AGMO: variants seen among roughly 807,000 people sequenced by gnomAD.
AGMO encodes glyceryl-ether monooxygenase.
In AGMO, 75 loss-of-function variants were observed where a neutral mutation model predicts 60.2. The ratio of observed to expected loss-of-function variants is 1.25; its 90% CI spans 1.03 to 1.51. The LOEUF (loss-of-function observed/expected upper bound fraction) is 1.51. Ranked by LOEUF, AGMO falls within the 40% of genes most tolerant of loss-of-function variation. The pLI is 0.00. For missense variants in AGMO, 763 were observed against 525.5 expected, an observed-to-expected ratio of 1.45 and a Z score of -4.42; for synonymous variants, 261 against 177.1, an observed-to-expected ratio of 1.47 and a Z score of -3.76.
intron 5 of AGMO, among the ~76,000 whole-genome samples, chr7:15,404,057 G>A (rs1784624389): frequency 1.3e-5 from 2 of 151,764 alleles, no homozygotes; most frequent in Admixed American, 6.6e-5. Flanking sequence ...TCCACACTAA[G>A]GAGTGAAAAA....
At chr7:15,220,802 T>A (rs897439721) in intron 12 of AGMO, among the ~76,000 whole-genome samples, 2 of 152,126 alleles carry the variant, frequency 1.3e-5, no homozygotes, top group African/African-American at 2.4e-5. Flanking sequence ...AAATAGCATA[T>A]ATTTTCAGGA....
rs143510694 is a variant in AGMO, at chr7:15,290,975, C to A, written c.1263+74539G>T. ...AGGATGGATAATAGAGTCTAGTCAGCCAAATTTAGCTCCGTTTTTTCGAAA... is the reference window on the plus strand; with the variant it reads ...AGGATGGATAATAGAGTCTAGTCAGACAAATTTAGCTCCGTTTTTTCGAAA... On this transcript the variant is annotated intron_variant, in intron 12 of 12. Coordinates refer to ENST00000342526, the MANE Select transcript of AGMO (RefSeq NM_001004320.2). Among the ~76,000 whole-genome samples, 421 of 152,082 alleles carry A rather than the reference C, an allele frequency of 2.8e-3. 2 individuals carry two copies. Among genetic ancestry groups the A allele is most frequent in the Non-Finnish European group, 4.5e-3 (308 of 67,970 alleles).
rs1283394114 is a variant in AGMO, at chr7:15,200,569, CT to C, written c.*715del. On this transcript the variant is annotated 3_prime_UTR_variant, in exon 13 of 13. Transcript: ENST00000342526. ...AGTGCAGTGGTGCAATCTCCACTCACTCCAACTTCTGCCTCCCAGGTTCAAG... is the reference window on the plus strand; with the variant it reads ...AGTGCAGTGGTGCAATCTCCACTCACCCAACTTCTGCCTCCCAGGTTCAAG... 6 of 152,814 alleles carry C rather than the reference CT, an allele frequency of 3.9e-5. No homozygotes were observed. Among genetic ancestry groups the C allele is most frequent in the African/African-American group, 1.4e-4 (6 of 41,596 alleles). 9.5% of individuals were successfully genotyped at this position (152,814 alleles called of 1,614,324 possible). A position where few individuals can be genotyped will look rare whatever the true frequency, so the allele number is the denominator to read the frequency against.
chr7:15,202,482 A>AC (rs1781321364), intron 12 of AGMO, among the ~76,000 whole-genome samples: 1 of 132,698 alleles, frequency 7.5e-6, no homozygotes, highest in Non-Finnish European at 1.6e-5. Flanking sequence ...AAAAAAAAAA[A>AC]AAAAAAACCC....
chr7:15,313,855 A>T (rs1583395644), intron 12 of AGMO, among the ~76,000 whole-genome samples: 1 of 152,208 alleles, frequency 6.6e-6, no homozygotes, highest in Admixed American at 6.5e-5. Context: ...CTGTAATAAA[A>T]GTTATGCAGA....
chr7:15,390,708 G>A lies in AGMO; in HGVS notation c.785C>T (p.Thr262Ile), dbSNP rs781016963. ...AENEKVVYGL[T>I]HPINTFEPIK... The stretch of plus-strand genomic sequence containing the variant: ...TGGTTCAAATGTATTAATGGGATGT[G>A]TTAAGCCATATACAACTTTTTCATT... The change falls in exon 8 of 13, where the codon ACA becomes ATA. Residue 262 changes from threonine to isoleucine, a missense_variant. Physicochemically the swap from Thr to Ile is moderately conservative, Grantham distance 89. Transcript: ENST00000342526. 1.9e-6 allele frequency: 3 copies of A among 1,611,268 alleles called. No individual in the cohort carries two copies. Among genetic ancestry groups the A allele is most frequent in the Non-Finnish European group, 2.5e-6 (3 of 1,178,196 alleles).
chr7:15,315,116 G>C (rs1780878955), intron 12 of AGMO, among the ~76,000 whole-genome samples: 1 of 152,030 alleles, frequency 6.6e-6, no homozygotes, highest in Non-Finnish European at 1.5e-5. Flanking sequence ...TTTTGCCCTT[G>C]TGAAACCTGG....
intron 3 of AGMO, among the ~76,000 whole-genome samples, chr7:15,432,684 T>C (rs1199641708): frequency 6.6e-6 from 1 of 151,924 alleles, no homozygotes; most frequent in African/African-American, 2.4e-5. Context: ...GGTGATTTAA[T>C]TATTTTAATC....
intron 5 of AGMO, chr7:15,396,554 A>T (rs35101265): frequency 0.34 from 52,167 of 151,760 alleles, 9,316 homozygotes; most frequent in African/African-American, 0.45. Flanking sequence ...TACCACAACG[A>T]GGAAAAGGAC....
chr7:15,163,425 C>T, the AGMO span, among the ~76,000 whole-genome samples: 1 of 152,030 alleles, frequency 6.6e-6, no homozygotes, highest in Non-Finnish European at 1.5e-5. Context: ...ACTTCCAACT[C>T]TTCTCCATCC....
At chr7:15,329,439 A>G (rs1781436301) in intron 12 of AGMO, among the ~76,000 whole-genome samples, 1 of 152,136 alleles carries the variant, frequency 6.6e-6, no homozygotes. Flanking sequence ...CCCAGAGGAC[A>G]TGACAAGAAA....
chr7:15,353,828 G>A (rs1312932235), intron 12 of AGMO, among the ~76,000 whole-genome samples: 3 of 152,128 alleles, frequency 2.0e-5, no homozygotes, highest in African/African-American at 4.8e-5. Context: ...CAGCATATGG[G>A]AGAAGGGACA....
At chr7:15,259,300 G>C (rs563552261) in intron 12 of AGMO, among the ~76,000 whole-genome samples, 1 of 151,560 alleles carries the variant, frequency 6.6e-6, no homozygotes, top group Non-Finnish European at 1.5e-5. Flanking sequence ...ACAAGCAGAA[G>C]AAAGAACCAT....
At chr7:15,549,733 T>C (rs1343298269) in intron 2 of AGMO, among the ~76,000 whole-genome samples, 2 of 150,702 alleles carry the variant, frequency 1.3e-5, no homozygotes, top group South Asian at 2.1e-4. Context: ...CTTTAACACC[T>C]CACTGTCAAC....
At chr7:15,150,900 GTTC>G in the AGMO span, among the ~76,000 whole-genome samples, 1 of 152,022 alleles carries the variant, frequency 6.6e-6, no homozygotes, top group African/African-American at 2.4e-5. Flanking sequence ...ATTGGTACCA[GTTC>G]TTCTTTATAT....
chr7:15,165,622 T>C, the AGMO span, among the ~76,000 whole-genome samples: 1 of 152,180 alleles, frequency 6.6e-6, no homozygotes, highest in Non-Finnish European at 1.5e-5. Context: ...CTTACCCAGA[T>C]GTAAAGAGTA....
chr7:15,221,245 AG>A (rs1781912563), intron 12 of AGMO, among the ~76,000 whole-genome samples: 1 of 152,132 alleles, frequency 6.6e-6, no homozygotes, highest in African/African-American at 2.4e-5. Flanking sequence ...AATCTATTCC[AG>A]CCCCTCTGGA....
At chr7:15,173,986 G>T in the AGMO span, among the ~76,000 whole-genome samples, 1 of 151,876 alleles carries the variant, frequency 6.6e-6, no homozygotes, top group Non-Finnish European at 1.5e-5. Flanking sequence ...AAGATGACAT[G>T]AAGAATATGA....
Position 15,275,926 on chromosome 7 carries a change from C to T in AGMO, c.1264-74567G>A, listed in dbSNP as rs146108183. On this transcript the variant is annotated intron_variant, in intron 12 of 12. Coordinates refer to ENST00000342526, the MANE Select transcript of AGMO (RefSeq NM_001004320.2). ...CCACTTTCAGTCTGTGGGTTTCTTT[C>T]GTCATTAGGTAGTTTCTTGCTTGCA... Among the ~76,000 whole-genome samples, 415 of 151,536 alleles carry T rather than the reference C, an allele frequency of 2.7e-3. 1 individual carries two copies. The highest frequency in any genetic ancestry group is 0.011 in the South Asian group (52 of 4,806).
Sources: allele counts gnomAD v4.1 joint callset (sites outside exome capture counted in the v4.1 genomes callset), GRCh38; gene constraint gnomAD v4.1.1; transcripts MANE v1.5; gene names NCBI Gene and HGNC (gene_info 2026-07-23, HGNC 2026-07-21).